Variants in MYZAP observed in about 807,000 individuals in gnomAD.
The protein encoded by MYZAP is myocardial zonula adherens protein.
Under a neutral mutation model 69.4 loss-of-function variants are expected in MYZAP, and 66 were observed. That is an observed-to-expected ratio of 0.95 (90% CI 0.78 to 1.17). The LOEUF is 1.17. Ranked by LOEUF, MYZAP falls within the 50% of genes most tolerant of loss-of-function variation. The pLI is 0.00. For missense variants in MYZAP, 611 were observed against 556.2 expected (o/e 1.10, Z -0.99); for synonymous variants, 256 against 205.9 (o/e 1.24, Z -2.09).
intron 4 of MYZAP, 55 bp downstream of exon 4, chr15:57,621,755 G>T: frequency 6.4e-7 from 1 of 1,556,100 alleles, no homozygotes; most frequent in Non-Finnish European, 8.8e-7. Flanking sequence ...GCTCAGAGTG[G>T]TCCCTCAGTG....
chr15:57,632,494 A>C lies in MYZAP; in HGVS notation c.739A>C (p.Ser247Arg). 2 of 1,614,264 alleles carry C rather than the reference A, an allele frequency of 1.2e-6. No individual in the cohort carries two copies. The highest frequency in any genetic ancestry group is 1.7e-6 in the Non-Finnish European group (2 of 1,180,042). ...GCGAGAGATGACCAAGAAGCTGTAC[A>C]GCCAGTATGAGGAGAAGCTGCAGGA... ...VMREMTKKLY[S>R]QYEEKLQEEQ... Residue 247 changes from serine to arginine, a missense_variant, in exon 7 of 13, where the codon AGC becomes CGC. By Grantham distance (110) the Ser-to-Arg change is moderately radical. Transcript: ENST00000267853.
rs141541437 is a variant in MYZAP at position 57,668,643 on chromosome 15, C to T, written c.1204-6325C>T. Among the ~76,000 whole-genome samples, 105 of 152,202 alleles carry T rather than the reference C, an allele frequency of 6.9e-4. 3 individuals are homozygous for T. The highest frequency in any genetic ancestry group is 2.5e-3 in the African/African-American group (102 of 41,552). Reference sequence around the variant, plus strand: ...CTGGTGATGCTGAGCATCTTTTCTTCTTTTCGAGAATCTTTTCATATGCTT... The same window carrying T: ...CTGGTGATGCTGAGCATCTTTTCTTTTTTTCGAGAATCTTTTCATATGCTT... On this transcript the variant is annotated intron_variant, in intron 11 of 12. Transcript: ENST00000267853.
At chr15:57,651,271 G>T (rs535291010) in intron 10 of MYZAP, among the ~76,000 whole-genome samples, 131 of 152,326 alleles carry the variant, frequency 8.6e-4, no homozygotes, top group African/African-American at 3.1e-3. Context: ...ATTTGAAGCA[G>T]TTCACTCCCT....
intron 5 of MYZAP, 132 bp downstream of exon 5, chr15:57,626,024 A>G: frequency 1.3e-6 from 1 of 784,886 alleles, no homozygotes; most frequent in Non-Finnish European, 2.1e-6. Flanking sequence ...AACCACTGTG[A>G]AGACTGTGCC....
intron 4 of MYZAP, 44 bp from the exon 5 acceptor site, chr15:57,625,735 G>A (rs775172751): frequency 1.0e-5 from 16 of 1,574,516 alleles, no homozygotes; most frequent in African/African-American, 2.7e-5. Flanking sequence ...TGTCGTGAAC[G>A]TGTAGGGATT....
At chr15:57,679,333 C>T (rs12441026) in intron 12 of MYZAP, among the ~76,000 whole-genome samples, 137,781 of 150,784 alleles carry the variant, frequency 0.91, 63,812 homozygotes, top group Non-Finnish European at 0.99. Flanking sequence ...GCTTATGTTT[C>T]ACCTCTTTGT....
intron 9 of MYZAP, among the ~76,000 whole-genome samples, chr15:57,638,819 T>G (rs16977631): frequency 6.6e-6 from 1 of 152,116 alleles, no homozygotes; most frequent in African/African-American, 2.4e-5. Context: ...CTGCCGTTGA[T>G]TTCAGATATT....
At chr15:57,664,055 A>G (rs1243611815) in intron 11 of MYZAP, among the ~76,000 whole-genome samples, 1 of 146,684 alleles carries the variant, frequency 6.8e-6, no homozygotes, top group Non-Finnish European at 1.5e-5. Context: ...TTATTTTGTC[A>G]TTGTTTCTGT....
At chr15:57,613,231 C>A (rs1345604031) in intron 2 of MYZAP, among the ~76,000 whole-genome samples, 1 of 152,156 alleles carries the variant, frequency 6.6e-6, no homozygotes, top group African/African-American at 2.4e-5. Flanking sequence ...CATTCCTGGC[C>A]AGGCCTTTTA....
intron 2 of MYZAP, among the ~76,000 whole-genome samples, chr15:57,614,646 C>G (rs1428773634): frequency 6.6e-6 from 1 of 152,172 alleles, no homozygotes; most frequent in East Asian, 1.9e-4. Flanking sequence ...AAGAGCCCCC[C>G]ATCCTGGGCC....
intron 11 of MYZAP, among the ~76,000 whole-genome samples, chr15:57,664,774 C>G (rs537718462): frequency 5.2e-4 from 79 of 152,330 alleles, no homozygotes; most frequent in African/African-American, 1.9e-3. Flanking sequence ...AGACTCCAGA[C>G]TCAGACTACC....
intron 3 of MYZAP, among the ~76,000 whole-genome samples, chr15:57,620,181 G>A (rs1477088062): frequency 6.6e-6 from 1 of 152,232 alleles, no homozygotes; most frequent in Non-Finnish European, 1.5e-5. Context: ...TTCATGGCAA[G>A]AAAGTAGACT....
intron 10 of MYZAP, among the ~76,000 whole-genome samples, chr15:57,649,100 T>C (rs1389581830): frequency 6.6e-6 from 1 of 152,212 alleles, no homozygotes; most frequent in Non-Finnish European, 1.5e-5. Context: ...ATTATTCATT[T>C]CAATGGCTAA....
At chr15:57,624,078 C>T (rs1200138816) in intron 4 of MYZAP, among the ~76,000 whole-genome samples, 1 of 152,078 alleles carries the variant, frequency 6.6e-6, no homozygotes, top group Non-Finnish European at 1.5e-5. Context: ...ATAAAAGTAA[C>T]TTTATACTTT....
chr15:57,637,905 T>C (rs778826047), intron 9 of MYZAP, 131 bp downstream of exon 9: 140 of 952,154 alleles, frequency 1.5e-4, no homozygotes, highest in Non-Finnish European at 2.0e-4. Context: ...ATACATAACA[T>C]TGGGCTGAGA....
chr15:57,648,294 A>G lies in MYZAP; in HGVS notation c.1119+8749A>G, dbSNP rs144642846. The G allele has an allele frequency of 4.3e-3, 4,279 of 985,410 alleles. 10 individuals are homozygous for G. The highest frequency in any genetic ancestry group is 4.8e-3 in the Non-Finnish European group (4,006 of 829,896). The allele number at this position is 985,410 out of a possible 1,614,324, so 61.0% of individuals were successfully genotyped here. On this transcript the variant is annotated intron_variant, in intron 10 of 12. Transcript: ENST00000267853. ...AATATAAATTGTCTTTTCAAGGGAA[A>G]GGATATTTTCTTTGGAAATGTCATT...
chr15:57,648,443 C>G (rs2037559294), intron 10 of MYZAP: 1 of 985,394 alleles, frequency 1.0e-6, no homozygotes. Flanking sequence ...TGGGTCACTA[C>G]CAGTCACGAA....
intron 10 of MYZAP, among the ~76,000 whole-genome samples, chr15:57,640,597 A>C (rs145218979): frequency 1.8e-3 from 281 of 152,332 alleles, no homozygotes; most frequent in Admixed American, 6.9e-3. Context: ...TGGAAGATTA[A>C]AATATATCTA....
intron 11 of MYZAP, among the ~76,000 whole-genome samples, chr15:57,662,591 A>G (rs1174112401): frequency 6.6e-6 from 1 of 152,234 alleles, no homozygotes; most frequent in Non-Finnish European, 1.5e-5. Flanking sequence ...ATCAGAATGT[A>G]TAGAAGGTGC....
Sources: allele counts gnomAD v4.1 joint callset (sites outside exome capture counted in the v4.1 genomes callset), GRCh38; gene constraint gnomAD v4.1.1; transcripts MANE v1.5; gene names NCBI Gene and HGNC (gene_info 2026-07-23, HGNC 2026-07-21).